The following ZSCAN5A variants were observed in gnomAD, a reference collection of about 807,000 sequenced individuals.
ZSCAN5A encodes zinc finger and SCAN domain-containing protein 5A.
ZSCAN5A carries 12 observed loss-of-function variants against 23.7 expected under a neutral mutation model. The ratio of observed to expected loss-of-function variants is 0.51; its 90% CI spans 0.32 to 0.82. The LOEUF is 0.82. ZSCAN5A is among the 40% of genes least tolerant of loss of function. The probability of loss-of-function intolerance (pLI) is 0.03; values close to 1 mark genes in which losing one functional copy is unlikely to be tolerated. For synonymous variants in ZSCAN5A, 257 were observed against 239.9 expected (o/e 1.07, Z -0.66); for missense variants, 597 against 617.9 (o/e 0.97, Z 0.36).
At chr19:56,267,953 T>G (rs947946643) in intron 2 of ZSCAN5A, among the ~76,000 whole-genome samples, 1 of 151,962 alleles carries the variant, frequency 6.6e-6, no homozygotes, top group African/African-American at 2.4e-5. Context: ...AGCCAGGAGG[T>G]GGAGGGAGCT....
chr19:56,235,705 T>C (rs79433537), intron 2 of ZSCAN5A, among the ~76,000 whole-genome samples: 3 of 5,496 alleles, frequency 5.5e-4, no homozygotes, highest in Non-Finnish European at 6.5e-4. Context: ...GTGGGCCAAG[T>C]CTCCACTCCA....
At chr19:56,342,989 A>G (rs1043238528) in intron 2 of ZSCAN5A, 8 of 854,340 alleles carry the variant, frequency 9.4e-6, no homozygotes, top group Admixed American at 1.7e-5. Flanking sequence ...TCTGCCTCCA[A>G]TCGTCTTTTC....
intron 2 of ZSCAN5A, chr19:56,295,095 G>A (rs1173226873): frequency 6.6e-6 from 1 of 152,188 alleles, no homozygotes; most frequent in Non-Finnish European, 1.5e-5. Flanking sequence ...AATTGTTTGT[G>A]GTGATGGATG....
chr19:56,321,538 G>A, intron 2 of ZSCAN5A: 1 of 739,790 alleles, frequency 1.4e-6, no homozygotes, highest in South Asian at 1.5e-5. Context: ...TGTCTGTCTG[G>A]GTGTCTGTCT....
chr19:56,328,994 C>CAAA (rs61646242), intron 2 of ZSCAN5A, among the ~76,000 whole-genome samples: 61 of 106,418 alleles, frequency 5.7e-4, no homozygotes, highest in African/African-American at 1.6e-3. Flanking sequence ...GACTCCGTCT[C>CAAA]AAAAAAAAAA....
intron 2 of ZSCAN5A, among the ~76,000 whole-genome samples, chr19:56,289,318 G>A (rs2039355054): frequency 6.6e-6 from 1 of 152,292 alleles, no homozygotes; most frequent in East Asian, 1.9e-4. Context: ...CAATGCGAGG[G>A]AGCTTACCCC....
At chr19:56,251,620 T>C (rs1481795487) in intron 2 of ZSCAN5A, among the ~76,000 whole-genome samples, 1 of 152,218 alleles carries the variant, frequency 6.6e-6, no homozygotes, top group Non-Finnish European at 1.5e-5. Flanking sequence ...TGCAGTAGCA[T>C]GATCATAGCT....
intron 2 of ZSCAN5A, among the ~76,000 whole-genome samples, chr19:56,286,082 T>TGAGA (rs982349652): frequency 6.6e-6 from 1 of 152,100 alleles, no homozygotes; most frequent in Non-Finnish European, 1.5e-5. Context: ...AGTGCAGTGG[T>TGAGA]GAGATCTCAG....
At chr19:56,282,116 G>A (rs928234629) in intron 2 of ZSCAN5A, among the ~76,000 whole-genome samples, 25 of 152,174 alleles carry the variant, frequency 1.6e-4, no homozygotes, top group African/African-American at 5.8e-4. Context: ...ATGGTACAGG[G>A]TGGGTAAGAC....
intron 2 of ZSCAN5A, among the ~76,000 whole-genome samples, chr19:56,301,133 G>A (rs962919952): frequency 6.6e-6 from 1 of 152,138 alleles, no homozygotes; most frequent in African/African-American, 2.4e-5. Context: ...AGAATTTGAG[G>A]CAAGTCCATA....
At chr19:56,237,164 T>C (rs1377268675) in intron 2 of ZSCAN5A, among the ~76,000 whole-genome samples, 1 of 152,214 alleles carries the variant, frequency 6.6e-6, no homozygotes, top group Non-Finnish European at 1.5e-5. Context: ...CCTTACTCCG[T>C]TTTTTTGTGT....
intron 2 of ZSCAN5A, among the ~76,000 whole-genome samples, chr19:56,336,406 A>G (rs1388643568): frequency 6.6e-6 from 1 of 152,164 alleles, no homozygotes; most frequent in East Asian, 1.9e-4. Flanking sequence ...TTCGTCACGT[A>G]GTTCTCATGC....
intron 2 of ZSCAN5A, among the ~76,000 whole-genome samples, chr19:56,262,374 A>C (rs2037184003): frequency 6.6e-6 from 1 of 151,500 alleles, no homozygotes; most frequent in African/African-American, 2.4e-5. Flanking sequence ...GAGTTTCATA[A>C]AAGTTGTATG....
chr19:56,288,431 C>T (rs1012469531), intron 2 of ZSCAN5A, among the ~76,000 whole-genome samples: 1 of 152,188 alleles, frequency 6.6e-6, no homozygotes, highest in Non-Finnish European at 1.5e-5. Flanking sequence ...CCCTGGTGTC[C>T]CCGCAAGGTT....
chr19:56,245,640 G>C (rs1000132283), intron 2 of ZSCAN5A, among the ~76,000 whole-genome samples: 6 of 148,688 alleles, frequency 4.0e-5, no homozygotes, highest in Non-Finnish European at 9.0e-5. Flanking sequence ...CATGTAGGGT[G>C]GGGGGTCAGA....
intron 2 of ZSCAN5A, among the ~76,000 whole-genome samples, chr19:56,362,540 G>C (rs577610201): frequency 3.6e-4 from 54 of 152,048 alleles, no homozygotes; most frequent in Middle Eastern, 3.4e-3. Flanking sequence ...AAAGGCAACA[G>C]AGTGAGGCTC....
chr19:56,293,909 G>A (rs1167152981), intron 2 of ZSCAN5A, among the ~76,000 whole-genome samples: 6 of 152,198 alleles, frequency 3.9e-5, no homozygotes, highest in Non-Finnish European at 8.8e-5. Context: ...GAAACCCCCC[G>A]CTGAATAAAA....
chr19:56,221,686 G>A lies in ZSCAN5A; in HGVS notation c.1380C>T (p.Arg460=), dbSNP rs761905483. ...TYRGSLKEHQ[R]IHSGEKPYKC... ...TGTAGGGTTTCTCTCCGGAGTGGATGCGCTGGTGCTCCTTCAGGCTCCCCC... is the reference window on the plus strand; with the variant it reads ...TGTAGGGTTTCTCTCCGGAGTGGATACGCTGGTGCTCCTTCAGGCTCCCCC... The change falls in exon 6 of 6, where the codon CGC becomes CGT. Residue 460 remains arginine, a synonymous_variant. Transcript: ENST00000683990. The A allele has an allele frequency of 2.5e-6, 4 of 1,614,118 alleles. No homozygotes were observed. Among genetic ancestry groups the A allele is most frequent in the Non-Finnish European group, 8.5e-7 (1 of 1,180,058 alleles).
upstream of ZSCAN5A, among the ~76,000 whole-genome samples, chr19:56,319,498 G>GGA (rs752672172): frequency 2.0e-3 from 157 of 78,424 alleles, 1 homozygote; most frequent in East Asian, 0.036. Flanking sequence ...TCCATCTCGG[G>GGA]AAAAAAAAAA....
Sources: allele counts gnomAD v4.1 joint callset (sites outside exome capture counted in the v4.1 genomes callset), GRCh38; gene constraint gnomAD v4.1.1; transcripts MANE v1.5; gene names NCBI Gene and HGNC (gene_info 2026-07-23, HGNC 2026-07-21).